The following PTPRD variants were observed in gnomAD, a reference collection of about 807,000 sequenced individuals.
PTPRD encodes the protein protein tyrosine phosphatase receptor type D.
A neutral mutation model predicts 214.5 loss-of-function variants in PTPRD; 34 were observed. That is an observed-to-expected ratio of 0.16 (90% confidence interval 0.12 to 0.21). The LOEUF (loss-of-function observed/expected upper bound fraction) is 0.21. Among genes scored for constraint, PTPRD ranks in the 10% least tolerant of loss-of-function variants. The pLI, the probability that PTPRD is intolerant of heterozygous loss-of-function variation, is 1.00. For synonymous variants in PTPRD, 1,128 were observed against 845.7 expected, an observed-to-expected ratio of 1.33 and a Z score of -5.79; for missense variants, 2,545 against 2,398.7, an observed-to-expected ratio of 1.06 and a Z score of -1.27.
intron 7 of PTPRD, among the ~76,000 whole-genome samples, chr9:9,640,564 G>A (rs1564238350): frequency 6.6e-6 from 1 of 152,142 alleles, no homozygotes; most frequent in Admixed American, 6.5e-5. Context: ...GATAAAATGT[G>A]GAAGAACTTT....
intron 12 of PTPRD, among the ~76,000 whole-genome samples, chr9:8,714,091 C>A (rs758792857): frequency 6.6e-6 from 1 of 152,078 alleles, no homozygotes; most frequent in African/African-American, 2.4e-5. Flanking sequence ...CTAATTAAAG[C>A]CTAAGGTGGA....
At chr9:10,534,151 T>A (rs1040916642) in intron 2 of PTPRD, among the ~76,000 whole-genome samples, 5 of 151,952 alleles carry the variant, frequency 3.3e-5, no homozygotes, top group Non-Finnish European at 5.9e-5. Context: ...AAGGATTATA[T>A]CAGCATTGTA....
chr9:9,404,880 G>A (rs928049965), intron 8 of PTPRD, among the ~76,000 whole-genome samples: 1 of 152,016 alleles, frequency 6.6e-6, no homozygotes, highest in African/African-American at 2.4e-5. Flanking sequence ...TGCTAGATGG[G>A]ATGGTTTAAT....
At position 10,362,525 on chromosome 9, in the gene PTPRD, C is replaced by A. The variant is rs567486430; in HGVS notation, c.-599-21508G>T. On this transcript the variant is annotated intron_variant, in intron 2 of 45. Transcript: ENST00000381196. ...AGAAGTCTACTTCTTGAAATTCTTACTCTTACACACGAATTTTCTCTACCT... is the reference window on the plus strand; with the variant it reads ...AGAAGTCTACTTCTTGAAATTCTTAATCTTACACACGAATTTTCTCTACCT... Among the ~76,000 whole-genome samples the A allele has an allele frequency of 5.3e-5, 8 of 152,202 alleles. No homozygotes were observed. In the South Asian group the frequency reaches 1.4e-3, roughly 28 times the overall value.
intron 27 of PTPRD, 66 bp from the exon 28 acceptor site, chr9:8,486,415 A>T (rs765148387): frequency 1.5e-6 from 2 of 1,351,092 alleles, no homozygotes; most frequent in South Asian, 2.3e-5. Flanking sequence ...GTCATTGCCA[A>T]ATGAGGGAGT....
intron 8 of PTPRD, among the ~76,000 whole-genome samples, chr9:9,433,864 T>A (rs938341744): frequency 6.6e-6 from 1 of 152,182 alleles, no homozygotes; most frequent in Non-Finnish European, 1.5e-5. Flanking sequence ...TTGTATCTGA[T>A]AGAGACAGAT....
At chr9:8,719,801 GC>G (rs1303112196) in intron 12 of PTPRD, among the ~76,000 whole-genome samples, 2 of 151,694 alleles carry the variant, frequency 1.3e-5, no homozygotes, top group Non-Finnish European at 2.9e-5. Flanking sequence ...AAATGTTAGC[GC>G]CAAGTAGGGC....
chr9:9,997,232 G>C (rs893733084), intron 4 of PTPRD, among the ~76,000 whole-genome samples: 3 of 150,712 alleles, frequency 2.0e-5, no homozygotes, highest in African/African-American at 7.3e-5. Flanking sequence ...TCACTAGGGA[G>C]ACTTAACATT....
intron 3 of PTPRD, among the ~76,000 whole-genome samples, chr9:10,154,707 G>C (rs890106854): frequency 1.3e-5 from 2 of 152,010 alleles, no homozygotes; most frequent in African/African-American, 4.8e-5. Context: ...ATTGAATAGG[G>C]ATCCCTTTCC....
intron 9 of PTPRD, among the ~76,000 whole-genome samples, chr9:9,295,399 C>G (rs1434507203): frequency 5.3e-5 from 8 of 151,634 alleles, no homozygotes; most frequent in Admixed American, 5.3e-4. Context: ...ACTGACAGTT[C>G]TGTCACAAAA....
At chr9:10,158,010 T>G (rs2099104396) in intron 3 of PTPRD, among the ~76,000 whole-genome samples, 3 of 151,876 alleles carry the variant, frequency 2.0e-5, no homozygotes. Context: ...GTTTTTTGTT[T>G]GTTTGTTTGT....
chr9:8,672,948 T>C (rs555480391), intron 12 of PTPRD, among the ~76,000 whole-genome samples: 1 of 152,086 alleles, frequency 6.6e-6, no homozygotes, highest in African/African-American at 2.4e-5. Flanking sequence ...ACACAGCAAA[T>C]AAATGTAACT....
chr9:9,152,875 T>A (rs2099878047), intron 10 of PTPRD, among the ~76,000 whole-genome samples: 1 of 152,194 alleles, frequency 6.6e-6, no homozygotes. Flanking sequence ...CCAGAACCGA[T>A]GAGAGGGGCA....
At chr9:10,380,196 C>G (rs1182659667) in intron 2 of PTPRD, among the ~76,000 whole-genome samples, 1 of 152,042 alleles carries the variant, frequency 6.6e-6, no homozygotes, top group Non-Finnish European at 1.5e-5. Context: ...CAAAAAGAAA[C>G]ACATAGAGAT....
chr9:8,361,449 A>G (rs2133903230), intron 39 of PTPRD, among the ~76,000 whole-genome samples: 1 of 152,312 alleles, frequency 6.6e-6, no homozygotes, highest in African/African-American at 2.4e-5. Flanking sequence ...ACTTCATGCT[A>G]TAAAAGACTT....
At chr9:9,547,673 G>C (rs779886953) in intron 8 of PTPRD, among the ~76,000 whole-genome samples, 2 of 151,936 alleles carry the variant, frequency 1.3e-5, no homozygotes, top group African/African-American at 2.4e-5. Context: ...AGGATATTTA[G>C]CCCTTCTGAC....
intron 14 of PTPRD, among the ~76,000 whole-genome samples, chr9:8,560,924 CT>C (rs1323192814): frequency 3.3e-5 from 4 of 120,622 alleles, no homozygotes; most frequent in African/African-American, 1.3e-4. Context: ...AAAGGCATTC[CT>C]TTAAAAAAAA....
At chr9:8,575,793 T>C (rs1020079652) in intron 14 of PTPRD, among the ~76,000 whole-genome samples, 2 of 152,198 alleles carry the variant, frequency 1.3e-5, no homozygotes, top group African/African-American at 4.8e-5. Context: ...ATGTAGTGAC[T>C]CTAAGTCATA....
At chr9:9,440,417 G>T (rs2087104797) in intron 8 of PTPRD, among the ~76,000 whole-genome samples, 1 of 152,070 alleles carries the variant, frequency 6.6e-6, no homozygotes, top group Admixed American at 6.6e-5. Context: ...AGGTAGAAAG[G>T]GGCAATTAAT....
Sources: gnomAD v4.1 joint callset for allele counts (sites outside exome capture counted in the v4.1 genomes callset) on GRCh38, gnomAD v4.1.1 for gene constraint, MANE v1.5 for transcripts, NCBI Gene and HGNC (gene_info 2026-07-23, HGNC 2026-07-21) for gene names.